Variants in SEL1L3 observed in about 807,000 individuals in gnomAD.
The protein encoded by SEL1L3 is protein sel-1 homolog 3.
A neutral mutation model predicts 142.8 loss-of-function variants in SEL1L3; 76 were observed. The observed-to-expected ratio is 0.53, with a 90% CI of 0.44 to 0.64. The LOEUF (loss-of-function observed/expected upper bound fraction) is 0.64, where lower values mean the gene tolerates loss of function less well. Among genes scored for constraint, SEL1L3 ranks in the 30% least tolerant of loss-of-function variants. The pLI is 0.00. For missense variants in SEL1L3, 1,262 were observed against 1,381.7 expected, an observed-to-expected ratio of 0.91 and a Z score of 1.37; for synonymous variants, 504 against 519.6, an observed-to-expected ratio of 0.97 and a Z score of 0.41.
At position 25,862,737 on chromosome 4, in the gene SEL1L3, C is replaced by A; in HGVS notation, c.100G>T (p.Gly34Cys). 7.9e-7 allele frequency: 1 copy of A among 1,259,102 alleles called. No homozygotes were observed. The highest frequency in any genetic ancestry group is 1.0e-6 in the Non-Finnish European group (1 of 1,002,606). The allele number at this position is 1,259,102 out of a possible 1,614,324, so 78.0% of individuals were successfully genotyped here. A position where few individuals can be genotyped will look rare whatever the true frequency, so the allele number is the denominator to read the frequency against. ...GPRAAAMVPS[G>C]GVPQGLGGRS... is the part of the protein sequence containing the mutation. ...CCGCCGAGGCCCTGGGGGACGCCGCCACTCGGGACCATGGCTGCGGCCCGG... is the reference window on the plus strand; with the variant it reads ...CCGCCGAGGCCCTGGGGGACGCCGCAACTCGGGACCATGGCTGCGGCCCGG... The change falls in exon 1 of 24, where the codon GGC becomes TGC. Residue 34 changes from glycine (G) to cysteine (C), a missense_variant. Physicochemically the swap from Gly to Cys is radical, Grantham distance 159 (BLOSUM62 -3). This residue lies in a region of SEL1L3 where 689 missense variants were observed against 692.8 expected (regional missense o/e 0.99). Transcript: ENST00000399878.
intron 11 of SEL1L3, among the ~76,000 whole-genome samples, chr4:25,799,951 T>A (rs1344643275): frequency 6.6e-6 from 1 of 152,102 alleles, no homozygotes; most frequent in Non-Finnish European, 1.5e-5. Context: ...GAGCAGCTTT[T>A]GAGGAGTGGG....
intron 1 of SEL1L3, among the ~76,000 whole-genome samples, chr4:25,851,600 G>A (rs1365847513): frequency 6.6e-6 from 1 of 151,768 alleles, no homozygotes; most frequent in Non-Finnish European, 1.5e-5. Flanking sequence ...GTCCTAAAAG[G>A]TCAAAGTGGG....
Position 25,819,913 on chromosome 4 carries a change from G to T in SEL1L3, c.1318C>A (p.Leu440Ile), listed in dbSNP as rs747159240. Residue 440 changes from leucine (L) to isoleucine (I), a missense_variant, in exon 8 of 24, where the codon CTT (leucine) becomes ATT (isoleucine). Physicochemically the swap from Leu to Ile is conservative, Grantham distance 5 (BLOSUM62 2). Transcript: ENST00000399878. ...QIFNPLLEKQ[L>I]AEQIKLYYER... ...TAATATAACTTGATTTGTTCAGCAA[G>T]TTGCTTCTCAAGGAGGGGATTAAAA... 4 of 1,611,896 alleles carry T rather than the reference G, an allele frequency of 2.5e-6. No homozygotes were observed. In the South Asian group the frequency reaches 4.4e-5, roughly 18 times the overall value.
chr4:25,757,845 T>C, intron 21 of SEL1L3, 55 bp from the exon 22 acceptor site: 1 of 1,254,002 alleles, frequency 8.0e-7, no homozygotes, highest in East Asian at 2.5e-5. Context: ...GTGGCACGAC[T>C]CAGGACTGGC....
intron 9 of SEL1L3, among the ~76,000 whole-genome samples, chr4:25,805,419 C>T (rs959988805): frequency 6.6e-6 from 1 of 152,202 alleles, no homozygotes; most frequent in Non-Finnish European, 1.5e-5. Flanking sequence ...GTTACAAAGG[C>T]TGGCAAGAGG....
At chr4:25,751,671 GTTCTTTATATATAAGTATATA>G (rs1368333988) in intron 23 of SEL1L3, among the ~76,000 whole-genome samples, 1 of 148,580 alleles carries the variant, frequency 6.7e-6, no homozygotes, top group Non-Finnish European at 1.5e-5. Context: ...ATAAATATAT[GTTCTTTATATATAAGTATATA>G]TTCTTTATAT....
intron 17 of SEL1L3, among the ~76,000 whole-genome samples, chr4:25,768,695 C>A (rs932420359): frequency 6.6e-6 from 1 of 152,074 alleles, no homozygotes; most frequent in Non-Finnish European, 1.5e-5. Context: ...GTCTGAAAAT[C>A]AGAGACTAGT....
chr4:25,817,872 G>A (rs758408141), intron 9 of SEL1L3, among the ~76,000 whole-genome samples: 93 of 152,086 alleles, frequency 6.1e-4, no homozygotes, highest in African/African-American at 1.7e-3. Flanking sequence ...CTCTGGCTGC[G>A]GCCTATCCAT....
chr4:25,749,172 T>C (rs372177458), intron 23 of SEL1L3, among the ~76,000 whole-genome samples: 1 of 152,114 alleles, frequency 6.6e-6, no homozygotes, highest in South Asian at 2.1e-4. Context: ...AATGTTTGAG[T>C]CTCCCGGGCC....
chr4:25,754,351 C>CT lies in SEL1L3; in HGVS notation c.3259+3182dup, dbSNP rs34663888. 9.0e-4 allele frequency among the ~76,000 whole-genome samples: 128 copies of CT among 142,662 alleles called. 1 individual carries two copies. The highest frequency in any genetic ancestry group is 3.6e-3 in the Middle Eastern group (1 of 278). 93.6% of individuals were successfully genotyped at this position (142,662 alleles called of 152,430 possible). On this transcript the variant is annotated intron_variant, in intron 23 of 23. Coordinates refer to ENST00000399878, the MANE Select transcript of SEL1L3 (RefSeq NM_015187.5). ...AAATAAATATAAAAATTATTGACAA[C>CT]TTTTTTTTTTTTTTTGACACAGGGT...
At chr4:25,730,279 T>C in the SEL1L3 span, among the ~76,000 whole-genome samples, 1 of 152,234 alleles carries the variant, frequency 6.6e-6, no homozygotes. Flanking sequence ...TGCAAATTTA[T>C]TTCCACTACA....
chr4:25,797,299 G>A (rs1712839777), intron 11 of SEL1L3, among the ~76,000 whole-genome samples: 1 of 152,168 alleles, frequency 6.6e-6, no homozygotes, highest in South Asian at 2.1e-4. Flanking sequence ...GGGAACTCAG[G>A]AGCAGGCTCA....
intron 2 of SEL1L3, among the ~76,000 whole-genome samples, chr4:25,836,768 G>T (rs1270488535): frequency 6.6e-6 from 1 of 152,186 alleles, no homozygotes; most frequent in African/African-American, 2.4e-5. Flanking sequence ...GTTGATTTAT[G>T]TGCAATCCAT....
chr4:25,790,877 AT>A (rs1488658102), intron 11 of SEL1L3, among the ~76,000 whole-genome samples: 1 of 152,242 alleles, frequency 6.6e-6, no homozygotes, highest in African/African-American at 2.4e-5. Context: ...ACATGACATT[AT>A]TCTTAAACCA....
intron 17 of SEL1L3, among the ~76,000 whole-genome samples, chr4:25,775,818 A>G (rs183344870): frequency 8.7e-4 from 133 of 152,322 alleles, no homozygotes; most frequent in African/African-American, 3.1e-3. Flanking sequence ...GCTCCTAGTC[A>G]TGGCAGATGC....
the SEL1L3 span, among the ~76,000 whole-genome samples, chr4:25,738,683 A>C: frequency 6.6e-6 from 1 of 152,164 alleles, no homozygotes; most frequent in Non-Finnish European, 1.5e-5. Flanking sequence ...GACCTCAGCT[A>C]CCCATAGTTG....
At chr4:25,783,049 T>C (rs1158507052) in intron 14 of SEL1L3, among the ~76,000 whole-genome samples, 3 of 152,196 alleles carry the variant, frequency 2.0e-5, no homozygotes, top group African/African-American at 7.2e-5. Flanking sequence ...TATTTCCTCA[T>C]TACTTACCTA....
At chr4:25,787,115 G>A (rs1382540413) in intron 13 of SEL1L3, among the ~76,000 whole-genome samples, 1 of 152,210 alleles carries the variant, frequency 6.6e-6, no homozygotes, top group East Asian at 1.9e-4. Context: ...TGTGAAGCCA[G>A]ATTTCCTAGA....
chr4:25,811,769 TG>T (rs1311995728), intron 9 of SEL1L3, among the ~76,000 whole-genome samples: 12 of 151,030 alleles, frequency 7.9e-5, no homozygotes, highest in East Asian at 3.9e-4. Flanking sequence ...TTTTTTTTGT[TG>T]TTGTTGTTGT....
Sources: allele counts gnomAD v4.1 joint callset (sites outside exome capture counted in the v4.1 genomes callset), GRCh38; gene constraint gnomAD v4.1.1; regional missense constraint gnomAD v4.1.1; transcripts MANE v1.5; gene names NCBI Gene and HGNC (gene_info 2026-07-23, HGNC 2026-07-21).